NREP: variants seen among roughly 807,000 people sequenced by gnomAD.
NREP encodes the protein neuronal regeneration related protein.
A neutral mutation model predicts 8.6 loss-of-function variants in NREP; 5 were observed. The observed-to-expected ratio is 0.58, with a 90% confidence interval of 0.30 to 1.22. NREP has a LOEUF of 1.22. Ranked by LOEUF, NREP falls within the 50% of genes most tolerant of loss-of-function variation. The probability of loss-of-function intolerance (pLI) is 0.07; values close to 1 mark genes in which losing one functional copy is unlikely to be tolerated. For synonymous variants in NREP, 27 were observed against 28.0 expected (o/e 0.96, Z 0.11); for missense variants, 86 against 82.5 (o/e 1.04, Z -0.17).
At chr5:111,894,838 A>C (rs891857100) in intron 2 of NREP, among the ~76,000 whole-genome samples, 1 of 152,236 alleles carries the variant, frequency 6.6e-6, no homozygotes, top group Non-Finnish European at 1.5e-5. Flanking sequence ...ATGTGAGGTG[A>C]AGAGTCGTTA....
chr5:111,945,173 T>C (rs1755941622), intron 2 of NREP, among the ~76,000 whole-genome samples: 1 of 152,146 alleles, frequency 6.6e-6, no homozygotes, highest in Non-Finnish European at 1.5e-5. Flanking sequence ...CTTATCATGC[T>C]ATTTCCAAAA....
At chr5:111,797,071 A>AGAT (rs1397222482) in intron 2 of NREP, among the ~76,000 whole-genome samples, 1 of 146,108 alleles carries the variant, frequency 6.8e-6, no homozygotes, top group Non-Finnish European at 1.5e-5. Flanking sequence ...TAAGATAGAT[A>AGAT]GATAGATAGA....
chr5:111,964,436 G>A (rs1756569007), intron 2 of NREP, among the ~76,000 whole-genome samples: 1 of 152,038 alleles, frequency 6.6e-6, no homozygotes, highest in African/African-American at 2.4e-5. Context: ...GGCACCATCT[G>A]GGCTCACTGC....
At chr5:111,811,446 G>A (rs1422251743) in intron 2 of NREP, among the ~76,000 whole-genome samples, 1 of 152,134 alleles carries the variant, frequency 6.6e-6, no homozygotes, top group African/African-American at 2.4e-5. Flanking sequence ...CCTAACTCGG[G>A]TCCCACCTCT....
intron 2 of NREP, among the ~76,000 whole-genome samples, chr5:111,799,155 G>A (rs1442219859): frequency 6.6e-6 from 1 of 152,140 alleles, no homozygotes; most frequent in African/African-American, 2.4e-5. Flanking sequence ...GTACCATGCT[G>A]TTTTCATGAC....
chr5:111,938,366 C>T (rs1755740064), intron 2 of NREP, among the ~76,000 whole-genome samples: 1 of 152,102 alleles, frequency 6.6e-6, no homozygotes, highest in Non-Finnish European at 1.5e-5. Flanking sequence ...CAAAACTACC[C>T]AGATTTATTG....
rs563277749 is a variant in NREP at position 111,778,963 on chromosome 5, T to C, written c.136-43456A>G. On this transcript the variant is annotated intron_variant, in intron 2 of 3. Transcript: ENST00000395634. ...TTTTTTTAATGGTCCTCGAATATCA[T>C]AGAAGAACATCTTGTAGCAACCTTT... 5.3e-5 allele frequency among the ~76,000 whole-genome samples: 8 copies of C among 152,306 alleles called. No individual in the cohort carries two copies. The South Asian group carries it at 1.4e-3, about 28-fold the overall frequency.
intron 2 of NREP, among the ~76,000 whole-genome samples, chr5:111,805,143 A>G (rs569701567): frequency 1.3e-5 from 2 of 152,238 alleles, no homozygotes; most frequent in Non-Finnish European, 2.9e-5. Flanking sequence ...TAAAGCTTCA[A>G]CTGAGATACA....
At chr5:111,884,247 A>C (rs1340081362) in intron 2 of NREP, among the ~76,000 whole-genome samples, 1 of 151,542 alleles carries the variant, frequency 6.6e-6, no homozygotes, top group Non-Finnish European at 1.5e-5. Flanking sequence ...ATTCCTCGAC[A>C]CATACACTCT....
chr5:111,949,481 C>CT (rs562765386), intron 2 of NREP, among the ~76,000 whole-genome samples: 1 of 151,786 alleles, frequency 6.6e-6, no homozygotes, highest in Non-Finnish European at 1.5e-5. Context: ...GATGTTTATG[C>CT]TTTTTTTAAA....
At chr5:111,924,373 A>G (rs975449700) in intron 2 of NREP, among the ~76,000 whole-genome samples, 3 of 152,098 alleles carry the variant, frequency 2.0e-5, no homozygotes, top group African/African-American at 7.2e-5. Flanking sequence ...CCTTTGTGGC[A>G]ACATCATCCA....
chr5:111,784,617 A>C lies in NREP; in HGVS notation c.136-49110T>G, dbSNP rs528365919. ...AAAGATGTTGAAGAAATATTATTTC[A>C]AACATATTTTAACAAGTTTATTTTT... On this transcript the variant is annotated intron_variant, in intron 2 of 3. Coordinates refer to the NREP transcript ENST00000395634. 9.8e-5 allele frequency among the ~76,000 whole-genome samples: 15 copies of C among 152,302 alleles called. No individual in the cohort carries two copies. The South Asian group carries it at 2.7e-3, about 27-fold the overall frequency.
intron 2 of NREP, among the ~76,000 whole-genome samples, chr5:111,956,880 C>T (rs916951068): frequency 2.6e-5 from 4 of 151,942 alleles, no homozygotes; most frequent in Non-Finnish European, 4.4e-5. Context: ...ATGAGAACTG[C>T]TTGAACCTGG....
intron 1 of NREP, 99 bp downstream of exon 1, chr5:111,757,037 T>C (rs1359070445): frequency 1.7e-5 from 3 of 174,392 alleles, no homozygotes; most frequent in Non-Finnish European, 3.4e-5. Context: ...AAGCATGAAC[T>C]CTGCAGGGTT....
At chr5:111,831,821 C>G (rs1468524781) in intron 2 of NREP, among the ~76,000 whole-genome samples, 1 of 152,298 alleles carries the variant, frequency 6.6e-6, no homozygotes, top group African/African-American at 2.4e-5. Context: ...TTGGCACGCC[C>G]TCAAGATAGC....
chr5:111,959,907 T>G (rs1326064335), intron 2 of NREP, among the ~76,000 whole-genome samples: 1 of 152,092 alleles, frequency 6.6e-6, no homozygotes, highest in Admixed American at 6.6e-5. Flanking sequence ...ATTTATTATA[T>G]GTATTATAAC....
intron 2 of NREP, among the ~76,000 whole-genome samples, chr5:111,911,652 T>G (rs1754914860): frequency 6.6e-6 from 1 of 152,068 alleles, no homozygotes; most frequent in South Asian, 2.1e-4. Flanking sequence ...ATTAAATGAC[T>G]CATAAGTGTG....
At chr5:111,817,414 T>C (rs1044851089) in intron 2 of NREP, among the ~76,000 whole-genome samples, 3 of 152,300 alleles carry the variant, frequency 2.0e-5, no homozygotes, top group African/African-American at 4.8e-5. Context: ...ATTTCTGAAG[T>C]TTTTGTCAAT....
intron 2 of NREP, among the ~76,000 whole-genome samples, chr5:111,856,018 G>T (rs1753419169): frequency 6.6e-6 from 1 of 152,146 alleles, no homozygotes; most frequent in Non-Finnish European, 1.5e-5. Context: ...TGGTTAACTT[G>T]CTGGGCACCA....
Sources: allele counts gnomAD v4.1 joint callset (sites outside exome capture counted in the v4.1 genomes callset), GRCh38; gene constraint gnomAD v4.1.1; transcripts MANE v1.5; gene names NCBI Gene and HGNC (gene_info 2026-07-23, HGNC 2026-07-21).